Variants in PTCHD4 observed in about 807,000 individuals in gnomAD.
The protein encoded by PTCHD4 is patched domain-containing protein 4.
A neutral mutation model predicts 58.1 loss-of-function variants in PTCHD4; 33 were observed. The ratio of observed to expected loss-of-function variants is 0.57; its 90% CI spans 0.43 to 0.76. The LOEUF is 0.76. Ranked by LOEUF, PTCHD4 falls within the 30% of genes least tolerant of loss-of-function variation. The pLI is 0.00. For synonymous variants in PTCHD4, 478 were observed against 409.6 expected, an observed-to-expected ratio of 1.17 and a Z score of -2.02; for missense variants, 1,058 against 1,027.1, an observed-to-expected ratio of 1.03 and a Z score of -0.41.
intron 3 of PTCHD4, among the ~76,000 whole-genome samples, chr6:48,011,424 T>A (rs1762669423): frequency 6.7e-6 from 1 of 148,648 alleles, no homozygotes; most frequent in Non-Finnish European, 1.5e-5. Flanking sequence ...TTTTGATGTT[T>A]TTTTTTCTTG....
Position 48,068,516 on chromosome 6 carries a change from G to A in PTCHD4, c.131C>T (p.Thr44Ile). 1 of 1,612,694 alleles carries A rather than the reference G, an allele frequency of 6.2e-7. No homozygotes were observed. Among genetic ancestry groups the A allele is most frequent in the Non-Finnish European group, 8.5e-7 (1 of 1,179,786 alleles). Residue 44 changes from threonine to isoleucine, a missense_variant, in exon 3 of 5, where the codon ACC (threonine) becomes ATC (isoleucine). Thr to Ile is a moderately conservative substitution (Grantham distance 89, BLOSUM62 -1). Coordinates refer to ENST00000339488, the MANE Select transcript of PTCHD4 (RefSeq NM_001384253.1). This position sits in a 1 kb window ranked among gnomAD's most constrained non-coding sequence, Gnocchi z 4.2. ...CVSRHPVFFL[T>I]VPAVLTITFG... The stretch of plus-strand genomic sequence containing the variant: ...GGTGATTGTCAGGACTGCGGGCACG[G>A]TGAGGAAAAAGACCGGGTGCCGGCT...
intron 4 of PTCHD4, among the ~76,000 whole-genome samples, chr6:47,946,926 C>A (rs1766442350): frequency 6.6e-6 from 1 of 152,124 alleles, no homozygotes; most frequent in South Asian, 2.1e-4. Flanking sequence ...TCTTTGCAAC[C>A]TTGACCTCCT....
chr6:48,009,136 G>T, intron 3 of PTCHD4, 22 bp from the exon 4 acceptor site: 1 of 1,578,924 alleles, frequency 6.3e-7, no homozygotes, highest in South Asian at 1.2e-5. Flanking sequence ...AAAAAGAAGA[G>T]ACTTCAGTTA....
intron 3 of PTCHD4, among the ~76,000 whole-genome samples, chr6:48,067,806 T>G (rs2113878543): frequency 6.6e-6 from 1 of 152,258 alleles, no homozygotes; most frequent in African/African-American, 2.4e-5. Flanking sequence ...CAGAAATAAC[T>G]TTTGTTTTCA....
chr6:47,882,741 G>GAGATATAT (rs143060584), intron 4 of PTCHD4, among the ~76,000 whole-genome samples: 16 of 102,438 alleles, frequency 1.6e-4, no homozygotes, highest in South Asian at 1.0e-3. Flanking sequence ...TGATTCCAGT[G>GAGATATAT]ATATATATAT....
At chr6:48,024,013 C>G (rs530421090) in intron 3 of PTCHD4, among the ~76,000 whole-genome samples, 2 of 152,240 alleles carry the variant, frequency 1.3e-5, no homozygotes, top group African/African-American at 4.8e-5. Context: ...CTTACGACTG[C>G]TGTGACCTTG....
intron 4 of PTCHD4, among the ~76,000 whole-genome samples, chr6:47,928,430 A>G (rs1428169472): frequency 6.6e-6 from 1 of 152,216 alleles, no homozygotes; most frequent in East Asian, 1.9e-4. Flanking sequence ...AGATTCCAAA[A>G]AAGTCTCCCT....
intron 4 of PTCHD4, among the ~76,000 whole-genome samples, chr6:47,943,806 C>A (rs554704610): frequency 8.0e-4 from 121 of 151,962 alleles, no homozygotes; most frequent in Non-Finnish European, 6.3e-4. Flanking sequence ...TTAGTATAAT[C>A]GAAAATCAGG....
chr6:48,090,443 CACA>C (rs1427718040), intron 1 of PTCHD4, among the ~76,000 whole-genome samples: 2 of 152,092 alleles, frequency 1.3e-5, no homozygotes, highest in Non-Finnish European at 2.9e-5. Flanking sequence ...TTCTAATGCT[CACA>C]ACAACACTGT....
chr6:47,938,225 A>G (rs1469351233), intron 4 of PTCHD4, among the ~76,000 whole-genome samples: 1 of 152,226 alleles, frequency 6.6e-6, no homozygotes, highest in Admixed American at 6.5e-5. Context: ...TAATAGGTCA[A>G]GAAAGATGAG....
intron 3 of PTCHD4, among the ~76,000 whole-genome samples, chr6:48,048,689 T>A (rs1221964755): frequency 6.6e-6 from 1 of 151,944 alleles, no homozygotes; most frequent in African/African-American, 2.4e-5. Flanking sequence ...ATGAGGAAGA[T>A]GAATTATTTA....
intron 4 of PTCHD4, among the ~76,000 whole-genome samples, chr6:47,916,429 C>T (rs1311221158): frequency 6.6e-6 from 1 of 152,064 alleles, no homozygotes; most frequent in East Asian, 1.9e-4. Context: ...ACTATTGAGG[C>T]TTCCAGCAGC....
intron 4 of PTCHD4, among the ~76,000 whole-genome samples, chr6:47,970,630 A>G (rs113273023): frequency 1.3e-4 from 20 of 152,232 alleles, no homozygotes; most frequent in African/African-American, 4.6e-4. Context: ...CTGAAATGAG[A>G]ATCTTCCTAA....
At chr6:48,063,385 T>C (rs1166247749) in intron 3 of PTCHD4, among the ~76,000 whole-genome samples, 2 of 152,178 alleles carry the variant, frequency 1.3e-5, no homozygotes, top group South Asian at 2.1e-4. Context: ...ACATTAGTAC[T>C]GGTATTTTGT....
chr6:48,102,864 G>A (rs1033606105), intron 1 of PTCHD4, among the ~76,000 whole-genome samples: 2 of 152,196 alleles, frequency 1.3e-5, no homozygotes, highest in African/African-American at 4.8e-5. Flanking sequence ...TGCTAGCACA[G>A]CAGTCTGAGA....
intron 3 of PTCHD4, among the ~76,000 whole-genome samples, chr6:48,043,812 A>AT (rs1255083880): frequency 1.6e-4 from 25 of 152,010 alleles, no homozygotes; most frequent in African/African-American, 5.8e-4. Context: ...AGCTTATCAG[A>AT]TGCACTGTAA....
chr6:48,096,374 G>A (rs373181170), intron 1 of PTCHD4, among the ~76,000 whole-genome samples: 1 of 152,160 alleles, frequency 6.6e-6, no homozygotes, highest in East Asian at 1.9e-4. Context: ...CATTTTAGGA[G>A]GCCGAGGTTG....
At chr6:47,895,141 G>A (rs201019649) in intron 4 of PTCHD4, among the ~76,000 whole-genome samples, 2 of 149,900 alleles carry the variant, frequency 1.3e-5, no homozygotes, top group Non-Finnish European at 1.5e-5. Context: ...TCTCAAAAAA[G>A]AAAAAAAAAG....
chr6:47,976,433 T>G (rs1767691968), intron 4 of PTCHD4, among the ~76,000 whole-genome samples: 1 of 152,018 alleles, frequency 6.6e-6, no homozygotes, highest in African/African-American at 2.4e-5. Context: ...AGCAGGTGGA[T>G]GATGAGGTCA....
Sources: allele counts gnomAD v4.1 joint callset (sites outside exome capture counted in the v4.1 genomes callset), GRCh38; gene constraint gnomAD v4.1.1; non-coding constraint Gnocchi (gnomAD v3.1); transcripts MANE v1.5; gene names NCBI Gene and HGNC (gene_info 2026-07-23, HGNC 2026-07-21).